Variants in RAB38 observed in about 807,000 individuals in gnomAD.
The protein encoded by RAB38 is RAB38, member RAS oncogene family.
RAB38 carries 15 observed loss-of-function variants against 18.4 expected under a neutral mutation model. The ratio of observed to expected loss-of-function variants is 0.82; its 90% CI spans 0.55 to 1.26. RAB38 has a LOEUF of 1.26. Ranked by LOEUF, RAB38 falls within the 50% of genes most tolerant of loss-of-function variation. The pLI is 0.00. For synonymous variants in RAB38, 101 were observed against 104.4 expected (o/e 0.97, Z 0.20); for missense variants, 294 against 267.4 (o/e 1.10, Z -0.69).
At chr11:88,029,060 G>T in the RAB38 span, among the ~76,000 whole-genome samples, 1 of 152,048 alleles carries the variant, frequency 6.6e-6, no homozygotes, top group Non-Finnish European at 1.5e-5. Flanking sequence ...CCAGAAGAGA[G>T]TGGGGGCCAA....
the RAB38 span, among the ~76,000 whole-genome samples, chr11:88,050,791 T>G: frequency 6.6e-6 from 1 of 152,200 alleles, no homozygotes; most frequent in Non-Finnish European, 1.5e-5. Context: ...AAAACCTGGA[T>G]AGAATGCATA....
chr11:87,962,242 T>C, the RAB38 span, among the ~76,000 whole-genome samples: 2 of 152,124 alleles, frequency 1.3e-5, no homozygotes, highest in Non-Finnish European at 2.9e-5. Context: ...AAATCCCCGA[T>C]TTGACATGTA....
At chr11:87,806,144 AAT>A in the RAB38 span, among the ~76,000 whole-genome samples, 1 of 152,202 alleles carries the variant, frequency 6.6e-6, no homozygotes, top group Admixed American at 6.5e-5. Context: ...GAGAGTTATG[AAT>A]ATGTTTTTTT....
At chr11:88,117,842 G>C (rs1037210686) in intron 2 of RAB38, among the ~76,000 whole-genome samples, 1 of 152,118 alleles carries the variant, frequency 6.6e-6, no homozygotes, top group Admixed American at 6.5e-5. Flanking sequence ...GAAATACTTA[G>C]AACAGTGAAA....
the RAB38 span, among the ~76,000 whole-genome samples, chr11:87,962,031 CT>C: frequency 6.6e-6 from 1 of 152,038 alleles, no homozygotes; most frequent in Admixed American, 6.6e-5. Flanking sequence ...ATTTCCTTAT[CT>C]ATAACAAAAA....
the RAB38 span, among the ~76,000 whole-genome samples, chr11:87,848,874 T>C: frequency 4.0e-5 from 6 of 148,776 alleles, no homozygotes; most frequent in Non-Finnish European, 8.9e-5. Context: ...CATGTAATTA[T>C]TAATTCTTTA....
chr11:87,808,610 A>C, the RAB38 span, among the ~76,000 whole-genome samples: 1 of 152,220 alleles, frequency 6.6e-6, no homozygotes, highest in African/African-American at 2.4e-5. Context: ...TAGGAGGAAT[A>C]ATTTCAAGAG....
At chr11:88,028,431 G>C in the RAB38 span, among the ~76,000 whole-genome samples, 2 of 152,220 alleles carry the variant, frequency 1.3e-5, no homozygotes, top group South Asian at 4.1e-4. Flanking sequence ...AAACTACTCC[G>C]AGCTACAGGA....
chr11:88,096,913 A>G, the RAB38 span, among the ~76,000 whole-genome samples: 1 of 151,198 alleles, frequency 6.6e-6, no homozygotes, highest in African/African-American at 2.4e-5. Context: ...GCGAGGGGGG[A>G]CTCTTTTTTC....
the RAB38 span, among the ~76,000 whole-genome samples, chr11:87,942,753 C>T: frequency 2.2e-4 from 34 of 152,262 alleles, no homozygotes; most frequent in Admixed American, 3.9e-4. Context: ...GATAACAGGA[C>T]GAACCCTGGG....
chr11:88,112,716 G>A (rs1001891907), downstream of RAB38, among the ~76,000 whole-genome samples: 11 of 152,188 alleles, frequency 7.2e-5, no homozygotes, highest in African/African-American at 2.2e-4. Flanking sequence ...GGAAGTTGCA[G>A]TGAGCTGAGA....
the RAB38 span, among the ~76,000 whole-genome samples, chr11:87,878,272 ATC>A: frequency 7.3e-4 from 83 of 113,898 alleles, 7 homozygotes; most frequent in African/African-American, 2.6e-3. Flanking sequence ...CTATCTATCT[ATC>A]TATCTATCTA....
At chr11:88,083,767 A>G in the RAB38 span, among the ~76,000 whole-genome samples, 1 of 151,968 alleles carries the variant, frequency 6.6e-6, no homozygotes, top group Non-Finnish European at 1.5e-5. Context: ...AAAAGGTCAC[A>G]GAATGAGCAA....
chr11:87,956,985 G>C, the RAB38 span, among the ~76,000 whole-genome samples: 16 of 151,050 alleles, frequency 1.1e-4, no homozygotes, highest in South Asian at 8.6e-4. Context: ...CAGTTTTTTG[G>C]GGGGGGGTCC....
the RAB38 span, among the ~76,000 whole-genome samples, chr11:87,864,968 G>A: frequency 6.6e-6 from 1 of 151,728 alleles, no homozygotes; most frequent in Non-Finnish European, 1.5e-5. Flanking sequence ...ATTTGATTGA[G>A]TAAACAGGAC....
chr11:88,022,850 C>T, the RAB38 span, among the ~76,000 whole-genome samples: 1 of 152,062 alleles, frequency 6.6e-6, no homozygotes, highest in African/African-American at 2.4e-5. Context: ...CTGCAATGAA[C>T]ATATGCATGC....
chr11:88,109,017 G>C (rs192930693), downstream of RAB38, among the ~76,000 whole-genome samples: 313 of 152,274 alleles, frequency 2.1e-3, 1 homozygote, highest in Non-Finnish European at 3.7e-3. Flanking sequence ...CTGTTAGTCT[G>C]ATGGGTTTCC....
At chr11:88,082,546 C>T in the RAB38 span, among the ~76,000 whole-genome samples, 6 of 151,882 alleles carry the variant, frequency 4.0e-5, no homozygotes, top group South Asian at 6.2e-4. Context: ...ATGCATCTCC[C>T]GCAATCTATC....
the RAB38 span, among the ~76,000 whole-genome samples, chr11:87,888,824 G>A: frequency 1.3e-5 from 2 of 151,930 alleles, no homozygotes; most frequent in African/African-American, 4.8e-5. Flanking sequence ...TGGATTGGTT[G>A]TCTAAAAGGT....
Sources: allele counts gnomAD v4.1 joint callset (sites outside exome capture counted in the v4.1 genomes callset), GRCh38; gene constraint gnomAD v4.1.1; transcripts MANE v1.5; gene names NCBI Gene and HGNC (gene_info 2026-07-23, HGNC 2026-07-21).